MLLT10: variants seen among roughly 807,000 people sequenced by gnomAD.
MLLT10 encodes MLLT10 histone lysine methyltransferase DOT1L cofactor.
In MLLT10, 30 loss-of-function variants were observed where a neutral mutation model predicts 129.1. That is an observed-to-expected ratio of 0.23 (90% CI 0.17 to 0.32). The LOEUF (loss-of-function observed/expected upper bound fraction) is 0.32, where lower values mean the gene tolerates loss of function less well. Among genes scored for constraint, MLLT10 ranks in the 10% least tolerant of loss-of-function variants. The pLI, the probability that MLLT10 is intolerant of heterozygous loss-of-function variation, is 1.00. For missense variants in MLLT10, 1,119 were observed against 1,268.3 expected (o/e 0.88, Z 1.79); for synonymous variants, 490 against 446.4 (o/e 1.10, Z -1.23).
At chr10:21,702,093 A>C (rs2054987560) in intron 13 of MLLT10, among the ~76,000 whole-genome samples, 2 of 150,482 alleles carry the variant, frequency 1.3e-5, no homozygotes, top group South Asian at 4.2e-4. Context: ...TGCCCAGCTA[A>C]TTTTTGTATT....
chr10:21,648,400 G>A (rs1467389026), intron 8 of MLLT10, among the ~76,000 whole-genome samples: 1 of 152,110 alleles, frequency 6.6e-6, no homozygotes, highest in African/African-American at 2.4e-5. Flanking sequence ...TTTCACACAT[G>A]TACATGTGTA....
intron 3 of MLLT10, among the ~76,000 whole-genome samples, chr10:21,543,898 A>G (rs767123936): frequency 6.6e-6 from 1 of 152,206 alleles, no homozygotes; most frequent in Non-Finnish European, 1.5e-5. Flanking sequence ...TTTCACCCAG[A>G]AAGGGAATTG....
At chr10:21,558,896 T>C (rs1013798048) in intron 3 of MLLT10, among the ~76,000 whole-genome samples, 6 of 152,194 alleles carry the variant, frequency 3.9e-5, no homozygotes, top group Non-Finnish European at 8.8e-5. Flanking sequence ...ATAATAACTC[T>C]GGATACAAGA....
At chr10:21,611,375 T>C (rs1010386093) in intron 5 of MLLT10, among the ~76,000 whole-genome samples, 3 of 151,974 alleles carry the variant, frequency 2.0e-5, no homozygotes, top group African/African-American at 4.8e-5. Context: ...TTTTTTTTTT[T>C]CTGTGTCCTT....
chr10:21,655,134 G>A (rs564447455), intron 9 of MLLT10, among the ~76,000 whole-genome samples: 4 of 152,318 alleles, frequency 2.6e-5, no homozygotes, highest in East Asian at 1.9e-4. Flanking sequence ...ATCAGGGCAT[G>A]AGGGGCTGCT....
intron 9 of MLLT10, 145 bp from the exon 10 acceptor site, chr10:21,670,304 A>G (rs1241445802): frequency 1.5e-6 from 1 of 654,400 alleles, no homozygotes; most frequent in Non-Finnish European, 2.3e-6. Flanking sequence ...TTTTTGGATG[A>G]TTTTCTTAGG....
rs547070742 is a variant in MLLT10, at chr10:21,570,244, G to T, written c.241-16050G>T. On this transcript the variant is annotated intron_variant, in intron 3 of 22. Coordinates refer to ENST00000307729, the MANE Select transcript of MLLT10 (RefSeq NM_001195626.3). Reference sequence around the variant, plus strand: ...TGTGTGTGTGTGTGTGTGCGCGCGTGTGTGTGTGTTTAGAGATGGGGTTCT... The same window carrying T: ...TGTGTGTGTGTGTGTGTGCGCGCGTTTGTGTGTGTTTAGAGATGGGGTTCT... Among the ~76,000 whole-genome samples the T allele has an allele frequency of 3.3e-5, 5 of 150,412 alleles. No homozygotes were observed. The South Asian group carries it at 1.1e-3, about 32-fold the overall frequency.
At chr10:21,717,831 C>CTCCTCCTTCTT (rs1491386496) in intron 14 of MLLT10, among the ~76,000 whole-genome samples, 3 of 22,872 alleles carry the variant, frequency 1.3e-4, no homozygotes, top group African/African-American at 2.5e-4. Flanking sequence ...TCCTCCTTCT[C>CTCCTCCTTCTT]CTCCTCCTTC....
intron 5 of MLLT10, among the ~76,000 whole-genome samples, chr10:21,603,752 C>T (rs1481917275): frequency 6.6e-6 from 1 of 151,966 alleles, no homozygotes; most frequent in Non-Finnish European, 1.5e-5. Flanking sequence ...CTTTTGAGAA[C>T]TCTTAAGGGA....
rs748151995 is a variant in MLLT10, at chr10:21,673,670, A to G, written c.1372A>G (p.Ile458Val). The change falls in exon 11 of 23, where the codon ATA becomes GTA. Residue 458 changes from isoleucine to valine, a missense_variant. By Grantham distance (29) the Ile-to-Val change is conservative. Transcript: ENST00000307729. ...ATATAAGCGGGCTCAAACTTCTGGCATAGAAGAAGAAACTGTAAAGGAAAA... is the reference window on the plus strand; with the variant it reads ...ATATAAGCGGGCTCAAACTTCTGGCGTAGAAGAAGAAACTGTAAAGGAAAA... The part of the protein sequence containing the change: ...AGYKRAQTSG[I>V]EEETVKEKKR... 4 of 1,614,058 alleles carry G rather than the reference A, an allele frequency of 2.5e-6. No individual in the cohort carries two copies. Among genetic ancestry groups the G allele is most frequent in the Non-Finnish European group, 2.5e-6 (3 of 1,180,036 alleles).
chr10:21,708,457 G>A (rs2055744854), intron 13 of MLLT10: 1 of 529,200 alleles, frequency 1.9e-6, no homozygotes, highest in Admixed American at 6.4e-5. Context: ...CCTACCTGAG[G>A]AGCAAGGAAG....
At position 21,651,786 on chromosome 10, in the gene MLLT10, T is replaced by A. The variant is rs776331895; in HGVS notation, c.795+18T>A. 6.5e-7 allele frequency: 1 copy of A among 1,548,674 alleles called. No individual in the cohort carries two copies. The highest frequency in any genetic ancestry group is 1.1e-5 in the South Asian group (1 of 87,502). ...CAGAAAAAGTAAGTTTTAAGTATCA[T>A]ATTTTGTTTTATGTAATAAGTAGTT... is the stretch of plus-strand genomic sequence containing the variant. On this transcript the variant is annotated intron_variant, in intron 9 of 22. Coordinates refer to ENST00000307729, the MANE Select transcript of MLLT10 (RefSeq NM_001195626.3).
intron 17 of MLLT10, among the ~76,000 whole-genome samples, chr10:21,732,112 G>A (rs1297593932): frequency 1.3e-5 from 2 of 152,298 alleles, no homozygotes; most frequent in South Asian, 4.1e-4. Flanking sequence ...GAAACGGCCA[G>A]ATGTGTCTGT....
At chr10:21,610,633 T>G (rs1458252180) in intron 5 of MLLT10, among the ~76,000 whole-genome samples, 1 of 151,210 alleles carries the variant, frequency 6.6e-6, no homozygotes, top group Non-Finnish European at 1.5e-5. Flanking sequence ...TTTTTTTTTA[T>G]AAATAAAAAT....
intron 3 of MLLT10, chr10:21,564,401 G>T (rs781039940): frequency 3.3e-5 from 5 of 151,736 alleles, no homozygotes; most frequent in African/African-American, 4.8e-5. Flanking sequence ...TTTTTAATAC[G>T]TATTTACTTA....
At chr10:21,730,769 C>A in intron 16 of MLLT10, 131 bp from the exon 17 acceptor site, 1 of 815,688 alleles carries the variant, frequency 1.2e-6, no homozygotes, top group Non-Finnish European at 2.0e-6. Flanking sequence ...ATCCAGGAAC[C>A]TGATACTTCT....
chr10:21,671,552 C>G (rs1169029474), intron 10 of MLLT10, among the ~76,000 whole-genome samples: 2 of 152,086 alleles, frequency 1.3e-5, no homozygotes, highest in Admixed American at 1.3e-4. Flanking sequence ...TTATGAGGCT[C>G]AGTCAGGTGG....
intron 13 of MLLT10, among the ~76,000 whole-genome samples, chr10:21,700,151 C>T (rs2054771987): frequency 6.7e-6 from 1 of 149,310 alleles, no homozygotes; most frequent in Non-Finnish European, 1.5e-5. Context: ...AGGACTGCTG[C>T]CTTGATTTCT....
intron 3 of MLLT10, among the ~76,000 whole-genome samples, chr10:21,555,846 T>A (rs942467586): frequency 6.6e-6 from 1 of 151,286 alleles, no homozygotes; most frequent in Admixed American, 6.6e-5. Flanking sequence ...TTTGTATTTT[T>A]AGTAGGAACA....
Sources: allele counts gnomAD v4.1 joint callset (sites outside exome capture counted in the v4.1 genomes callset), GRCh38; gene constraint gnomAD v4.1.1; transcripts MANE v1.5; gene names NCBI Gene and HGNC (gene_info 2026-07-23, HGNC 2026-07-21).